SEMA5A: variants seen among roughly 807,000 people sequenced by gnomAD.
The protein encoded by SEMA5A is semaphorin-5A.
SEMA5A carries 55 observed loss-of-function variants against 135.5 expected under a neutral mutation model. The observed-to-expected ratio is 0.41, with a 90% CI of 0.33 to 0.51. The LOEUF is 0.51. SEMA5A is among the 20% of genes least tolerant of loss of function. The probability of loss-of-function intolerance (pLI) is 0.37; values close to 1 mark genes in which losing one functional copy is unlikely to be tolerated. For missense variants in SEMA5A, 1,290 were observed against 1,419.9 expected, an observed-to-expected ratio of 0.91 and a Z score of 1.47; for synonymous variants, 580 against 546.5, an observed-to-expected ratio of 1.06 and a Z score of -0.85.
At chr5:9,053,180 G>A (rs913408953) in intron 19 of SEMA5A, among the ~76,000 whole-genome samples, 1 of 152,172 alleles carries the variant, frequency 6.6e-6, no homozygotes, top group Admixed American at 6.5e-5. Flanking sequence ...AGTAAACCAA[G>A]CTATTTCTGG....
intron 1 of SEMA5A, among the ~76,000 whole-genome samples, chr5:9,515,934 G>C (rs1351843374): frequency 6.6e-6 from 1 of 152,164 alleles, no homozygotes; most frequent in Non-Finnish European, 1.5e-5. Context: ...AAATGAAAGT[G>C]GGACAGGGAC....
rs565685204 is a variant in SEMA5A, at chr5:9,436,465, G to A, written c.-78+1291C>T. 5.9e-5 allele frequency among the ~76,000 whole-genome samples: 9 copies of A among 151,808 alleles called. No individual in the cohort carries two copies. The South Asian group carries it at 1.9e-3, about 32-fold the overall frequency. ...CACAGGAGAACCTCTCGTCTCAGCT[G>A]AGCACATCTACACATCTATACAGAG... On this transcript the variant is annotated intron_variant, in intron 2 of 22. Transcript: ENST00000382496.
chr5:9,391,146 T>A (rs1756142525), intron 2 of SEMA5A: 1 of 152,148 alleles, frequency 6.6e-6, no homozygotes, highest in Admixed American at 6.5e-5. Flanking sequence ...CTAACTAACT[T>A]CTTGTCGGGC....
intron 5 of SEMA5A, among the ~76,000 whole-genome samples, chr5:9,305,116 T>G (rs1751797344): frequency 6.6e-6 from 1 of 152,130 alleles, no homozygotes; most frequent in Non-Finnish European, 1.5e-5. Context: ...AGGAATATTT[T>G]TCTCCCTCTC....
chr5:9,342,159 T>C (rs549853875), intron 3 of SEMA5A, among the ~76,000 whole-genome samples: 1 of 151,544 alleles, frequency 6.6e-6, no homozygotes, highest in Middle Eastern at 3.5e-3. Flanking sequence ...AGCTACTCTT[T>C]TAAAAAAAGC....
chr5:9,169,685 C>A (rs1398274133), intron 11 of SEMA5A, among the ~76,000 whole-genome samples: 1 of 152,286 alleles, frequency 6.6e-6, no homozygotes, highest in Non-Finnish European at 1.5e-5. Context: ...CATAGAGCAA[C>A]TTTGGTGTGG....
intron 16 of SEMA5A, among the ~76,000 whole-genome samples, chr5:9,089,780 T>C (rs994504619): frequency 4.6e-5 from 7 of 152,172 alleles, no homozygotes; most frequent in Non-Finnish European, 1.0e-4. Flanking sequence ...AAGATTTTAA[T>C]AGGTATCCTT....
chr5:9,506,522 A>G (rs1172774147), intron 1 of SEMA5A, among the ~76,000 whole-genome samples: 2 of 152,196 alleles, frequency 1.3e-5, no homozygotes, highest in Non-Finnish European at 2.9e-5. Context: ...TGCTTAATGA[A>G]CAACGAAATA....
intron 2 of SEMA5A, among the ~76,000 whole-genome samples, chr5:9,418,051 A>G (rs927349848): frequency 1.3e-5 from 2 of 149,338 alleles, no homozygotes; most frequent in African/African-American, 5.0e-5. Context: ...ATCTCGGCTC[A>G]CTGCAACCTC....
chr5:9,364,092 C>T (rs1754813924), intron 3 of SEMA5A, among the ~76,000 whole-genome samples: 2 of 152,158 alleles, frequency 1.3e-5, no homozygotes, highest in Admixed American at 1.3e-4. Context: ...TCACTATAAT[C>T]TTCCCACTCT....
At chr5:9,365,197 A>G (rs1415831229) in intron 3 of SEMA5A, among the ~76,000 whole-genome samples, 1 of 152,204 alleles carries the variant, frequency 6.6e-6, no homozygotes, top group African/African-American at 2.4e-5. Context: ...CTTCCTTGCT[A>G]ACAGAACCTG....
chr5:9,301,109 GA>G (rs1269016032), intron 5 of SEMA5A, among the ~76,000 whole-genome samples: 2 of 152,166 alleles, frequency 1.3e-5, no homozygotes, highest in Non-Finnish European at 2.9e-5. Flanking sequence ...TGTGACTTCA[GA>G]AAAACTTTGA....
At chr5:9,360,358 T>C (rs1239996881) in intron 3 of SEMA5A, among the ~76,000 whole-genome samples, 2 of 152,178 alleles carry the variant, frequency 1.3e-5, no homozygotes, top group East Asian at 1.9e-4. Flanking sequence ...ATTTTAATAG[T>C]CTAAAAATCA....
chr5:9,530,204 G>A (rs1005472728), intron 1 of SEMA5A, among the ~76,000 whole-genome samples: 1 of 152,208 alleles, frequency 6.6e-6, no homozygotes, highest in Non-Finnish European at 1.5e-5. Context: ...ACTGTTTGCT[G>A]TGTTGAGTTA....
At chr5:9,169,262 C>T (rs565011571) in intron 11 of SEMA5A, among the ~76,000 whole-genome samples, 16 of 152,114 alleles carry the variant, frequency 1.1e-4, no homozygotes, top group African/African-American at 9.7e-5. Context: ...ACAATGTGTT[C>T]GCATATTGAA....
intron 8 of SEMA5A, among the ~76,000 whole-genome samples, chr5:9,207,941 C>T (rs530334918): frequency 6.9e-4 from 105 of 152,008 alleles, no homozygotes; most frequent in Admixed American, 6.3e-3. Context: ...TAGATGGATG[C>T]GCACATTTGT....
chr5:9,194,680 C>T (rs1745295104), intron 10 of SEMA5A, among the ~76,000 whole-genome samples: 1 of 152,204 alleles, frequency 6.6e-6, no homozygotes, highest in Admixed American at 6.5e-5. Flanking sequence ...TAATCTGTAA[C>T]TTGAGCTCCA....
chr5:9,150,672 G>T (rs1461921132), intron 12 of SEMA5A, among the ~76,000 whole-genome samples: 2 of 152,150 alleles, frequency 1.3e-5, no homozygotes, highest in South Asian at 2.1e-4. Context: ...GCCGCCTGAG[G>T]TCCCAGGATC....
intron 2 of SEMA5A, among the ~76,000 whole-genome samples, chr5:9,420,166 A>C (rs1388970384): frequency 6.6e-6 from 1 of 152,178 alleles, no homozygotes; most frequent in Non-Finnish European, 1.5e-5. Flanking sequence ...AATGTACCAC[A>C]GAGACTGCTA....
Sources: gnomAD v4.1 joint callset for allele counts (sites outside exome capture counted in the v4.1 genomes callset) on GRCh38, gnomAD v4.1.1 for gene constraint, MANE v1.5 for transcripts, NCBI Gene and HGNC (gene_info 2026-07-23, HGNC 2026-07-21) for gene names.